REEP3: variants seen among roughly 807,000 people sequenced by gnomAD.
The protein encoded by REEP3 is receptor accessory protein 3.
Under a neutral mutation model 41.3 loss-of-function variants are expected in REEP3, and 20 were observed. The ratio of observed to expected loss-of-function variants is 0.48; its 90% CI spans 0.34 to 0.70. The LOEUF is 0.70. REEP3 is among the 30% of genes least tolerant of loss of function. The pLI is 0.01. For missense variants in REEP3, 271 were observed against 308.8 expected, an observed-to-expected ratio of 0.88 and a Z score of 0.92; for synonymous variants, 104 against 101.8, an observed-to-expected ratio of 1.02 and a Z score of -0.13.
At chr10:63,527,466 G>C (rs1955376422) in intron 1 of REEP3, among the ~76,000 whole-genome samples, 1 of 152,072 alleles carries the variant, frequency 6.6e-6, no homozygotes, top group Non-Finnish European at 1.5e-5. Flanking sequence ...CAGCTCAGGA[G>C]TTCCAGACCA....
intron 2 of REEP3, among the ~76,000 whole-genome samples, chr10:63,588,444 TA>T (rs35392636): frequency 3.5e-4 from 52 of 150,126 alleles, no homozygotes; most frequent in East Asian, 1.6e-3. Flanking sequence ...TCCTTCTCCT[TA>T]AAAAAAAAAG....
At chr10:63,538,642 G>A (rs1182605805) in intron 1 of REEP3, among the ~76,000 whole-genome samples, 8 of 152,122 alleles carry the variant, frequency 5.3e-5, no homozygotes. Flanking sequence ...GCTGAGGCAG[G>A]AGAATCGCTT....
intron 1 of REEP3, among the ~76,000 whole-genome samples, chr10:63,550,686 G>A (rs1401907319): frequency 1.3e-5 from 2 of 152,156 alleles, no homozygotes; most frequent in African/African-American, 4.8e-5. Flanking sequence ...CCCCAACAGA[G>A]GAAGAGTTGG....
intron 1 of REEP3, among the ~76,000 whole-genome samples, chr10:63,530,747 T>C (rs1955413299): frequency 6.6e-6 from 1 of 152,206 alleles, no homozygotes. Flanking sequence ...ACTTTAAGTA[T>C]AGATGAAACT....
chr10:63,544,706 T>A (rs1319967917), intron 1 of REEP3, among the ~76,000 whole-genome samples: 1 of 152,224 alleles, frequency 6.6e-6, no homozygotes, highest in Non-Finnish European at 1.5e-5. Flanking sequence ...ATTTGGATAC[T>A]GGGTTTGCAT....
At position 63,621,806 on chromosome 10, in the gene REEP3, A is replaced by G. The variant is rs1956355356; in HGVS notation, c.*937A>G. The G allele has an allele frequency of 6.6e-6, 1 of 152,252 alleles. No homozygotes were observed. Among genetic ancestry groups the G allele is most frequent in the Non-Finnish European group, 1.5e-5 (1 of 68,036 alleles). The allele number at this position is 152,252 out of a possible 1,614,324, so 9.4% of individuals were successfully genotyped here. A position where few individuals can be genotyped will look rare whatever the true frequency, so the allele number is the denominator to read the frequency against. On this transcript the variant is annotated 3_prime_UTR_variant, in exon 8 of 8. Transcript: ENST00000373758. ...TTGTGAAATAGAATCAGTGACCAGT[A>G]TAGCACTTAGATCCCTTCTAACTCA... is the stretch of plus-strand genomic sequence containing the variant.
chr10:63,564,657 A>G (rs1338472310), intron 1 of REEP3, among the ~76,000 whole-genome samples: 1 of 151,946 alleles, frequency 6.6e-6, no homozygotes, highest in Non-Finnish European at 1.5e-5. Context: ...AAATAGCTAT[A>G]AGGTTATTGT....
intron 1 of REEP3, among the ~76,000 whole-genome samples, chr10:63,546,709 A>G (rs1426898871): frequency 6.6e-6 from 1 of 152,256 alleles, no homozygotes; most frequent in Non-Finnish European, 1.5e-5. Context: ...TGACCCATAC[A>G]TATATAGGCA....
intron 1 of REEP3, among the ~76,000 whole-genome samples, chr10:63,533,774 C>T (rs919529533): frequency 7.1e-6 from 1 of 141,094 alleles, no homozygotes; most frequent in Non-Finnish European, 1.5e-5. Context: ...GTGGCGCGAT[C>T]TCAGCTCACT....
chr10:63,539,990 C>T (rs77620050), intron 1 of REEP3, among the ~76,000 whole-genome samples: 3,779 of 152,164 alleles, frequency 0.025, 117 homozygotes, highest in African/African-American at 0.069. Context: ...CATTTTAAAA[C>T]GCAACAAAAA....
chr10:63,534,163 T>G (rs1193797414), intron 1 of REEP3, among the ~76,000 whole-genome samples: 1 of 152,200 alleles, frequency 6.6e-6, no homozygotes, highest in Non-Finnish European at 1.5e-5. Flanking sequence ...GGAAATAAAC[T>G]TTTTTGTCCA....
At chr10:63,573,073 C>A (rs1317527972) in intron 2 of REEP3, among the ~76,000 whole-genome samples, 1 of 152,180 alleles carries the variant, frequency 6.6e-6, no homozygotes, top group Non-Finnish European at 1.5e-5. Context: ...CAAACATTTT[C>A]GGTTAATTTA....
At chr10:63,537,618 T>C (rs567547419) in intron 1 of REEP3, among the ~76,000 whole-genome samples, 1 of 152,250 alleles carries the variant, frequency 6.6e-6, no homozygotes, top group East Asian at 1.9e-4. Flanking sequence ...ATATCTACAG[T>C]AACTAAAGGG....
At chr10:63,589,935 C>T (rs900468083) in intron 2 of REEP3, among the ~76,000 whole-genome samples, 7 of 151,828 alleles carry the variant, frequency 4.6e-5, no homozygotes, top group African/African-American at 1.7e-4. Flanking sequence ...GCTGGGATTA[C>T]AGACACGCAC....
chr10:63,550,358 T>TTAC (rs1289677340), intron 1 of REEP3, among the ~76,000 whole-genome samples: 3 of 152,178 alleles, frequency 2.0e-5, no homozygotes, highest in Non-Finnish European at 4.4e-5. Context: ...CTAAAGGGAA[T>TTAC]TACAAAGTGA....
intron 6 of REEP3, among the ~76,000 whole-genome samples, chr10:63,613,476 T>C (rs1254562938): frequency 1.3e-5 from 2 of 152,226 alleles, no homozygotes; most frequent in East Asian, 3.8e-4. Context: ...TTGTTCAGAG[T>C]ATAAATTCTG....
intron 7 of REEP3, 110 bp downstream of exon 7, chr10:63,619,910 G>T: frequency 6.7e-6 from 3 of 446,814 alleles, no homozygotes; most frequent in East Asian, 4.5e-5. Flanking sequence ...TGGTAGAACA[G>T]CAGTTTGATT....
At chr10:63,575,803 G>A (rs1460757450) in intron 2 of REEP3, among the ~76,000 whole-genome samples, 1 of 151,962 alleles carries the variant, frequency 6.6e-6, no homozygotes, top group African/African-American at 2.4e-5. Context: ...GTGCAATCTC[G>A]GCTCACCGCA....
chr10:63,557,191 G>A (rs1378540668), intron 1 of REEP3, among the ~76,000 whole-genome samples: 1 of 152,154 alleles, frequency 6.6e-6, no homozygotes, highest in African/African-American at 2.4e-5. Flanking sequence ...GCCTACAATA[G>A]CCTAGTTCAA....
Sources: gnomAD v4.1 joint callset for allele counts (sites outside exome capture counted in the v4.1 genomes callset) on GRCh38, gnomAD v4.1.1 for gene constraint, MANE v1.5 for transcripts, NCBI Gene and HGNC (gene_info 2026-07-23, HGNC 2026-07-21) for gene names.